The following IL1RAPL1 variants were observed in gnomAD, a reference collection of about 807,000 sequenced individuals.
IL1RAPL1 encodes the protein interleukin-1 receptor accessory protein-like 1.
Under a neutral mutation model 48.4 loss-of-function variants are expected in IL1RAPL1, and 3 were observed. That is an observed-to-expected ratio of 0.06 (90% CI 0.03 to 0.16). The LOEUF (loss-of-function observed/expected upper bound fraction) is 0.16. Ranked by LOEUF, IL1RAPL1 falls within the 10% of genes least tolerant of loss-of-function variation. The pLI is 1.00. For missense variants in IL1RAPL1, 349 were observed against 530.6 expected, an observed-to-expected ratio of 0.66 and a Z score of 3.36; for synonymous variants, 185 against 187.7, an observed-to-expected ratio of 0.99 and a Z score of 0.12.
intron 6 of IL1RAPL1, among the ~76,000 whole-genome samples, chrX:29,843,867 A>G (rs146558220): frequency 1.6e-3 from 171 of 109,164 alleles, no homozygotes; most frequent in African/African-American, 5.1e-3. Context: ...GCCTGCCTCC[A>G]TCTTATAAAG....
At position 29,242,403 on chromosome X, in the gene IL1RAPL1, T is replaced by G. The variant is rs138747501; in HGVS notation, c.83-40535T>G. Among the ~76,000 whole-genome samples the G allele has an allele frequency of 6.8e-3, 767 of 112,334 alleles. 4 individuals carry two copies. The highest frequency in any genetic ancestry group is 0.024 in the African/African-American group (736 of 30,968). On this transcript the variant is annotated intron_variant, in intron 2 of 10. Transcript: ENST00000378993. The stretch of plus-strand genomic sequence containing the variant: ...TGGCTGTAAATCCAGTGTTCCCAAT[T>G]GTGCTATAATGCCTCTGAACTTAAA...
chrX:28,706,290 C>T (rs950602903), intron 1 of IL1RAPL1, among the ~76,000 whole-genome samples: 29 of 112,252 alleles, frequency 2.6e-4, no homozygotes, highest in African/African-American at 9.1e-4. Context: ...TAGGCCATAC[C>T]GTATAGCCTA....
At chrX:28,840,305 C>G (rs1355108821) in intron 2 of IL1RAPL1, among the ~76,000 whole-genome samples, 1 of 110,858 alleles carries the variant, frequency 9.0e-6, no homozygotes, top group Non-Finnish European at 1.9e-5. Context: ...ATACTGTTAC[C>G]TTAATATAGA....
intron 2 of IL1RAPL1, among the ~76,000 whole-genome samples, chrX:29,270,681 T>C (rs751518794): frequency 2.5e-4 from 28 of 112,195 alleles, no homozygotes; most frequent in Non-Finnish European, 5.3e-4. Context: ...AGTTTGATTA[T>C]GGTAACTGTG....
intron 2 of IL1RAPL1, among the ~76,000 whole-genome samples, chrX:28,952,109 T>G (rs777594880): frequency 1.0e-3 from 115 of 111,118 alleles, no homozygotes; most frequent in African/African-American, 3.7e-3. Context: ...ATACACACTT[T>G]CATTTGTCTT....
At chrX:29,191,170 T>C (rs754555992) in intron 2 of IL1RAPL1, among the ~76,000 whole-genome samples, 5 of 112,018 alleles carry the variant, frequency 4.5e-5, no homozygotes, top group Non-Finnish European at 9.4e-5. Context: ...CAAGGTTAAA[T>C]GTGGCTTTCT....
At chrX:28,661,545 G>C (rs1420486081) in intron 1 of IL1RAPL1, among the ~76,000 whole-genome samples, 2 of 111,021 alleles carry the variant, frequency 1.8e-5, no homozygotes, top group South Asian at 7.6e-4. Context: ...TTTGAAATAG[G>C]CTTGATGTTT....
At chrX:29,741,436 C>T (rs959007738) in intron 6 of IL1RAPL1, among the ~76,000 whole-genome samples, 2 of 111,540 alleles carry the variant, frequency 1.8e-5, no homozygotes, top group African/African-American at 6.5e-5. Flanking sequence ...GGAACTTATT[C>T]CCATCATTTT....
intron 5 of IL1RAPL1, among the ~76,000 whole-genome samples, chrX:29,595,744 G>A (rs192320448): frequency 8.9e-6 from 1 of 111,919 alleles, no homozygotes. Flanking sequence ...CTTAAATTAA[G>A]TCCCATCTAT....
intron 6 of IL1RAPL1, among the ~76,000 whole-genome samples, chrX:29,724,278 G>A (rs1004730198): frequency 1.8e-5 from 2 of 111,121 alleles, no homozygotes; most frequent in African/African-American, 6.6e-5. Flanking sequence ...GATGCCTAAG[G>A]GCCACTGACC....
chrX:29,758,175 C>A (rs1928664685), intron 6 of IL1RAPL1, among the ~76,000 whole-genome samples: 1 of 111,994 alleles, frequency 8.9e-6, no homozygotes, highest in Non-Finnish European at 1.9e-5. Flanking sequence ...TTGTTTAATT[C>A]TTTCTTCTGG....
chrX:28,766,546 A>G (rs1008527908), intron 1 of IL1RAPL1, among the ~76,000 whole-genome samples: 5 of 111,371 alleles, frequency 4.5e-5, no homozygotes, highest in Non-Finnish European at 7.5e-5. Context: ...AAAATAATCC[A>G]ATTACACTCT....
chrX:29,542,362 A>G (rs1213995582), intron 5 of IL1RAPL1, among the ~76,000 whole-genome samples: 8 of 111,727 alleles, frequency 7.2e-5, no homozygotes, highest in Non-Finnish European at 1.9e-5. Flanking sequence ...CATGCAGCCC[A>G]TAATTATGAC....
At chrX:29,201,437 CGTT>C (rs1457592669) in intron 2 of IL1RAPL1, among the ~76,000 whole-genome samples, 1 of 110,817 alleles carries the variant, frequency 9.0e-6, no homozygotes, top group Non-Finnish European at 1.9e-5. Context: ...AAAAATATGA[CGTT>C]GTCTCTGTTT....
intron 3 of IL1RAPL1, among the ~76,000 whole-genome samples, chrX:29,380,466 A>G (rs1005991248): frequency 1.8e-5 from 2 of 111,587 alleles, no homozygotes; most frequent in South Asian, 3.7e-4. Context: ...ACCTCAGGTG[A>G]TCCACCCGCC....
At chrX:29,514,335 A>C (rs1935424066) in intron 5 of IL1RAPL1, among the ~76,000 whole-genome samples, 1 of 112,647 alleles carries the variant, frequency 8.9e-6, no homozygotes, top group Non-Finnish European at 1.9e-5. Context: ...ACTTTGTTTT[A>C]AATCAGACAC....
At chrX:29,573,141 C>T (rs1922646711) in intron 5 of IL1RAPL1, among the ~76,000 whole-genome samples, 1 of 112,029 alleles carries the variant, frequency 8.9e-6, no homozygotes, top group African/African-American at 3.2e-5. Context: ...CAAACTCTCT[C>T]AGGCTTCCTT....
intron 2 of IL1RAPL1, among the ~76,000 whole-genome samples, chrX:28,988,800 A>G (rs1384109435): frequency 8.9e-6 from 1 of 112,332 alleles, no homozygotes. Context: ...TATTGATATT[A>G]CAATATCTCT....
At chrX:29,846,572 C>T (rs1475683061) in intron 6 of IL1RAPL1, among the ~76,000 whole-genome samples, 2 of 109,631 alleles carry the variant, frequency 1.8e-5, no homozygotes, top group Non-Finnish European at 1.9e-5. Flanking sequence ...TTTTTAATGG[C>T]GTTGAAACCA....
Sources: allele counts gnomAD v4.1 joint callset (sites outside exome capture counted in the v4.1 genomes callset), GRCh38; gene constraint gnomAD v4.1.1; transcripts MANE v1.5; gene names NCBI Gene and HGNC (gene_info 2026-07-23, HGNC 2026-07-21).